Variants in GABRG3 observed in about 807,000 individuals in gnomAD.
GABRG3 encodes the protein gamma-aminobutyric acid type A receptor subunit gamma3, also known as gamma-aminobutyric acid receptor subunit gamma-3.
In GABRG3, 25 loss-of-function variants were observed where a neutral mutation model predicts 48.8. That is an observed-to-expected ratio of 0.51 (90% CI 0.37 to 0.72). GABRG3 has a LOEUF of 0.72. GABRG3 is among the 30% of genes least tolerant of loss of function. The pLI is 0.00. For synonymous variants in GABRG3, 227 were observed against 217.6 expected (o/e 1.04, Z -0.38); for missense variants, 394 against 577.9 (o/e 0.68, Z 3.26).
chr15:27,092,671 A>G lies in GABRG3; in HGVS notation c.270+65850A>G, dbSNP rs1022409734. On this transcript the variant is annotated intron_variant, in intron 3 of 9. Transcript: ENST00000615808. The stretch of plus-strand genomic sequence containing the variant: ...ATAACAGTCAGGCCAGCCATTGAAA[A>G]ATAGATGTGCTTATCAAATATGTGT... 1.3e-5 allele frequency among the ~76,000 whole-genome samples: 2 copies of G among 152,254 alleles called. 1 individual carries two copies. The highest frequency in any genetic ancestry group is 4.8e-5 in the African/African-American group (2 of 41,470).
intron 3 of GABRG3, among the ~76,000 whole-genome samples, chr15:27,306,772 AATATAAACAT>A (rs1892515147): frequency 8.8e-6 from 1 of 113,870 alleles, no homozygotes; most frequent in East Asian, 2.5e-4. Context: ...ATAAACATAC[AATATAAACAT>A]GTTTATATAT....
At chr15:27,026,179 T>A (rs1380315640) in intron 2 of GABRG3, among the ~76,000 whole-genome samples, 1 of 152,266 alleles carries the variant, frequency 6.6e-6, no homozygotes, top group Admixed American at 6.5e-5. Context: ...TTAAACTCTG[T>A]GATGTATGTG....
At chr15:27,456,049 A>G (rs1216479232) in intron 5 of GABRG3, among the ~76,000 whole-genome samples, 6 of 152,060 alleles carry the variant, frequency 3.9e-5, no homozygotes, top group Admixed American at 3.9e-4. Context: ...TTAGCTTTCT[A>G]TGATTGAGAC....
chr15:27,311,419 C>T (rs569372415), intron 3 of GABRG3, among the ~76,000 whole-genome samples: 36 of 152,086 alleles, frequency 2.4e-4, no homozygotes, highest in Non-Finnish European at 3.4e-4. Flanking sequence ...ACCTGGAGGA[C>T]GGGCTTCTGT....
intron 3 of GABRG3, among the ~76,000 whole-genome samples, chr15:27,256,494 AG>A (rs1415009833): frequency 1.9e-5 from 1 of 52,984 alleles, no homozygotes; most frequent in African/African-American, 7.6e-5. Context: ...TGTTAAGGGT[AG>A]GGGGGGCGGG....
chr15:26,983,317 G>A (rs768842384), intron 2 of GABRG3, among the ~76,000 whole-genome samples: 22 of 151,920 alleles, frequency 1.4e-4, no homozygotes, highest in Admixed American at 2.6e-4. Context: ...TTACACCCCC[G>A]ACCCTGGTAC....
chr15:27,347,454 C>T (rs760277627), intron 5 of GABRG3, among the ~76,000 whole-genome samples: 32 of 152,112 alleles, frequency 2.1e-4, no homozygotes, highest in Non-Finnish European at 3.8e-4. Flanking sequence ...TTCCTAGAAG[C>T]CCTAATCCCT....
chr15:27,009,213 C>T (rs72715926), intron 2 of GABRG3, among the ~76,000 whole-genome samples: 12,896 of 152,106 alleles, frequency 0.085, 657 homozygotes, highest in Middle Eastern at 0.2. Flanking sequence ...GTTGAGAGAG[C>T]TCGAATACTG....
Position 27,280,350 on chromosome 15 carries a change from C to T in GABRG3, c.271-46459C>T, listed in dbSNP as rs928064652. On this transcript the variant is annotated intron_variant, in intron 3 of 9. Coordinates refer to ENST00000615808, the MANE Select transcript of GABRG3 (RefSeq NM_033223.5). ...AGCACCTGGTGTTTCCAGGCAGTCT[C>T]CTATTCAAGTGCTGACCAGACCAGG... 3 of 152,108 alleles carry T rather than the reference C, an allele frequency of 2.0e-5. No individual in the cohort carries two copies. In the East Asian group the frequency reaches 5.8e-4, roughly 29 times the overall value. 9.4% of individuals were successfully genotyped at this position (152,108 alleles called of 1,614,324 possible).
chr15:27,117,415 C>A (rs1386123634), intron 3 of GABRG3, among the ~76,000 whole-genome samples: 1 of 152,064 alleles, frequency 6.6e-6, no homozygotes, highest in Admixed American at 6.6e-5. Flanking sequence ...CTCTGTGTAG[C>A]CTAAATGAGT....
intron 3 of GABRG3, among the ~76,000 whole-genome samples, chr15:27,105,462 A>T (rs149201214): frequency 0.011 from 1,659 of 152,336 alleles, 18 homozygotes; most frequent in Non-Finnish European, 0.019. Flanking sequence ...ACATTTTTTC[A>T]AGGGCTTATA....
chr15:27,315,993 C>G (rs1893200816), intron 3 of GABRG3, among the ~76,000 whole-genome samples: 1 of 152,138 alleles, frequency 6.6e-6, no homozygotes, highest in Non-Finnish European at 1.5e-5. Flanking sequence ...TCTGATGCAA[C>G]TTGACAACTT....
At chr15:27,163,496 A>G (rs572135362) in intron 3 of GABRG3, among the ~76,000 whole-genome samples, 53 of 152,198 alleles carry the variant, frequency 3.5e-4, no homozygotes, top group Non-Finnish European at 7.1e-4. Context: ...ATTTCATTTT[A>G]GAAAAACAGC....
chr15:27,360,224 C>T (rs1007183777), intron 5 of GABRG3, among the ~76,000 whole-genome samples: 3 of 152,158 alleles, frequency 2.0e-5, no homozygotes, highest in African/African-American at 4.8e-5. Flanking sequence ...GACTTAGACA[C>T]ACACAGTGTT....
chr15:27,218,313 T>C (rs1206141234), intron 3 of GABRG3, among the ~76,000 whole-genome samples: 2 of 152,176 alleles, frequency 1.3e-5, no homozygotes, highest in Non-Finnish European at 2.9e-5. Flanking sequence ...CAACGTTCTG[T>C]CTTATTCGTG....
intron 6 of GABRG3, among the ~76,000 whole-genome samples, chr15:27,504,734 C>T (rs1026278194): frequency 2.6e-5 from 4 of 151,904 alleles, no homozygotes; most frequent in African/African-American, 9.7e-5. Flanking sequence ...CAAAGATTTC[C>T]TCTAACATTT....
chr15:27,313,234 GTATATA>G (rs202086840), intron 3 of GABRG3, among the ~76,000 whole-genome samples: 1 of 63,510 alleles, frequency 1.6e-5, no homozygotes, highest in Non-Finnish European at 3.3e-5. Flanking sequence ...ATACGTATAT[GTATATA>G]TGTGTGTGTG....
intron 3 of GABRG3, among the ~76,000 whole-genome samples, chr15:27,087,616 T>A (rs1329790316): frequency 6.6e-6 from 1 of 152,104 alleles, no homozygotes; most frequent in Non-Finnish European, 1.5e-5. Context: ...TGTGTATGCA[T>A]GTATGCAAAT....
chr15:27,153,126 G>A (rs887053472), intron 3 of GABRG3, among the ~76,000 whole-genome samples: 1 of 152,186 alleles, frequency 6.6e-6, no homozygotes, highest in Non-Finnish European at 1.5e-5. Context: ...CTCCCAAAGT[G>A]CTGGGATTAC....
Sources: gnomAD v4.1 joint callset for allele counts (sites outside exome capture counted in the v4.1 genomes callset) on GRCh38, gnomAD v4.1.1 for gene constraint, MANE v1.5 for transcripts, NCBI Gene and HGNC (gene_info 2026-07-23, HGNC 2026-07-21) for gene names.